The following AKAP7 variants were observed in gnomAD, a reference collection of about 807,000 sequenced individuals.
The protein encoded by AKAP7 is A-kinase anchoring protein 7.
Under a neutral mutation model 39.5 loss-of-function variants are expected in AKAP7, and 39 were observed. The observed-to-expected ratio is 0.99, with a 90% CI of 0.76 to 1.29. The LOEUF (loss-of-function observed/expected upper bound fraction) is 1.29. Ranked by LOEUF, AKAP7 falls within the 50% of genes most tolerant of loss-of-function variation. The probability of loss-of-function intolerance (pLI) is 0.00; values close to 1 mark genes in which losing one functional copy is unlikely to be tolerated. For missense variants in AKAP7, 414 were observed against 407.7 expected (o/e 1.02, Z -0.13); for synonymous variants, 140 against 139.1 (o/e 1.01, Z -0.05).
chr6:131,251,669 A>G (rs865807167), intron 7 of AKAP7, among the ~76,000 whole-genome samples: 2 of 152,230 alleles, frequency 1.3e-5, no homozygotes, highest in Non-Finnish European at 2.9e-5. Flanking sequence ...GAAGTCTCCA[A>G]ACATTGGAAA....
At chr6:131,230,291 G>T (rs1810525325) in intron 7 of AKAP7, among the ~76,000 whole-genome samples, 1 of 152,150 alleles carries the variant, frequency 6.6e-6, no homozygotes, top group Non-Finnish European at 1.5e-5. Flanking sequence ...TAGATATTCT[G>T]ACTGGTGCGA....
chr6:131,182,978 T>TG (rs1265722662), intron 5 of AKAP7, among the ~76,000 whole-genome samples: 1 of 152,250 alleles, frequency 6.6e-6, no homozygotes, highest in East Asian at 1.9e-4. Context: ...AATTTAATTT[T>TG]GGGGGAAAAA....
upstream of AKAP7, among the ~76,000 whole-genome samples, chr6:131,134,473 A>G (rs1800403566): frequency 6.6e-6 from 1 of 152,096 alleles, no homozygotes; most frequent in South Asian, 2.1e-4. Flanking sequence ...TGTGGACCAC[A>G]TTTTTGCAGC....
At position 131,262,621 on chromosome 6, in the gene AKAP7, A is replaced by G. The variant is rs896958660; in HGVS notation, c.851-18909A>G. On this transcript the variant is annotated intron_variant, in intron 7 of 7. Coordinates refer to ENST00000431975, the MANE Select transcript of AKAP7 (RefSeq NM_016377.4). Reference sequence around the variant, plus strand: ...CAAAAGAAATAATTTTTAAAAAAATATATATATATTGCAATAATTCAAGTT... The same window carrying G: ...CAAAAGAAATAATTTTTAAAAAAATGTATATATATTGCAATAATTCAAGTT... Among the ~76,000 whole-genome samples, 9 of 152,120 alleles carry G rather than the reference A, an allele frequency of 5.9e-5. No individual in the cohort carries two copies. The South Asian group carries it at 8.3e-4, about 14-fold the overall frequency.
At chr6:131,172,859 C>A (rs2128247456) in intron 5 of AKAP7, among the ~76,000 whole-genome samples, 1 of 152,240 alleles carries the variant, frequency 6.6e-6, no homozygotes, top group Admixed American at 6.5e-5. Context: ...TTAAGTATTA[C>A]AAATGTTGAT....
At chr6:131,132,508 C>G (rs1300493016), upstream of AKAP7, among the ~76,000 whole-genome samples, 1 of 152,074 alleles carries the variant, frequency 6.6e-6, no homozygotes, top group Admixed American at 6.6e-5. Flanking sequence ...CAGCCCTTTT[C>G]TCCCCAGAGG....
At chr6:131,158,977 T>A (rs1480654929) in intron 2 of AKAP7, among the ~76,000 whole-genome samples, 1 of 152,206 alleles carries the variant, frequency 6.6e-6, no homozygotes, top group Non-Finnish European at 1.5e-5. Flanking sequence ...GGGAGCATGC[T>A]TTGTAATTAG....
chr6:131,178,133 T>G (rs1562187299), intron 5 of AKAP7, among the ~76,000 whole-genome samples: 1 of 152,250 alleles, frequency 6.6e-6, no homozygotes, highest in Non-Finnish European at 1.5e-5. Context: ...TAGCTCACAT[T>G]GCAATGCTTG....
intron 3 of AKAP7, among the ~76,000 whole-genome samples, chr6:131,160,444 T>A (rs1266402315): frequency 6.6e-6 from 1 of 152,226 alleles, no homozygotes; most frequent in Non-Finnish European, 1.5e-5. Context: ...AGTGGCACAG[T>A]CATAGCTCAC....
chr6:131,231,398 T>G lies in AKAP7; in HGVS notation c.850+11590T>G, dbSNP rs376727663. On this transcript the variant is annotated intron_variant, in intron 7 of 7. Coordinates refer to ENST00000431975, the MANE Select transcript of AKAP7 (RefSeq NM_016377.4). ...TTCTTTGCACAGGCTCACAGAGATA[T>G]GATTAAGAAAATTTCATCTCTACTT... 2.6e-5 allele frequency among the ~76,000 whole-genome samples: 4 copies of G among 152,186 alleles called. No homozygotes were observed. The South Asian group carries it at 6.2e-4, about 24-fold the overall frequency.
chr6:131,217,307 C>CT (rs911439028), intron 6 of AKAP7, among the ~76,000 whole-genome samples: 20 of 151,180 alleles, frequency 1.3e-4, no homozygotes, highest in South Asian at 8.4e-4. Context: ...CATAGTCTTC[C>CT]TTTTTTTTTA....
intron 2 of AKAP7, among the ~76,000 whole-genome samples, chr6:131,158,584 T>C (rs1179485112): frequency 6.6e-6 from 1 of 152,184 alleles, no homozygotes; most frequent in Non-Finnish European, 1.5e-5. Flanking sequence ...CTTGGGTAAC[T>C]GCAACCTCAG....
chr6:131,190,403 G>T (rs1444244596), intron 5 of AKAP7, among the ~76,000 whole-genome samples: 1 of 152,082 alleles, frequency 6.6e-6, no homozygotes, highest in African/African-American at 2.4e-5. Flanking sequence ...CTTTGGTTGG[G>T]AAGCCAAGGC....
intron 7 of AKAP7, among the ~76,000 whole-genome samples, chr6:131,241,577 A>G (rs867709152): frequency 0.015 from 1,190 of 81,294 alleles, 38 homozygotes; most frequent in African/African-American, 0.057. Flanking sequence ...GATTATATAT[A>G]TGTGTGTGTG....
At chr6:131,241,626 T>TATATATAA in intron 7 of AKAP7, among the ~76,000 whole-genome samples, 1 of 135,742 alleles carries the variant, frequency 7.4e-6, no homozygotes, top group African/African-American at 3.2e-5. Flanking sequence ...TGTGTGTGTG[T>TATATATAA]GTATATATAT....
rs1372694997 is a variant in AKAP7 at position 131,241,625 on chromosome 6, G to GTATATATATATATA, written c.850+21818_850+21819insATATATATATATAT. Among the ~76,000 whole-genome samples the GTATATATATATATA allele has an allele frequency of 3.3e-3, 216 of 65,290 alleles. 11 individuals are homozygous for GTATATATATATATA. Among genetic ancestry groups the GTATATATATATATA allele is most frequent in the Admixed American group, 7.8e-3 (46 of 5,922 alleles). 42.8% of individuals were successfully genotyped at this position (65,290 alleles called of 152,430 possible). ...TGTGTGTGTGTGTGTGTGTGTGTGT[G>GTATATATATATATA]TGTATATATATATGACAGTTATAGG... is the stretch of plus-strand genomic sequence containing the variant. On this transcript the variant is annotated intron_variant, in intron 7 of 7. Coordinates refer to ENST00000431975, the MANE Select transcript of AKAP7 (RefSeq NM_016377.4).
intron 5 of AKAP7, among the ~76,000 whole-genome samples, chr6:131,179,425 G>A (rs991024525): frequency 4.6e-5 from 7 of 152,072 alleles, no homozygotes; most frequent in Non-Finnish European, 8.8e-5. Context: ...CTGCCTGCCT[G>A]GGCCTCCCAA....
chr6:131,245,305 G>A (rs1394231630), intron 7 of AKAP7, among the ~76,000 whole-genome samples: 1 of 149,058 alleles, frequency 6.7e-6, no homozygotes, highest in African/African-American at 2.5e-5. Context: ...GAGTGCAGTA[G>A]TGCAACTCGA....
chr6:131,149,960 T>C (rs1801787996), intron 2 of AKAP7, among the ~76,000 whole-genome samples: 1 of 152,160 alleles, frequency 6.6e-6, no homozygotes, highest in African/African-American at 2.4e-5. Flanking sequence ...CTTAAAGGAA[T>C]CACAGTTCTT....
Sources: gnomAD v4.1 joint callset for allele counts (sites outside exome capture counted in the v4.1 genomes callset) on GRCh38, gnomAD v4.1.1 for gene constraint, MANE v1.5 for transcripts, NCBI Gene and HGNC (gene_info 2026-07-23, HGNC 2026-07-21) for gene names.